Variants in PHF8 observed in about 807,000 individuals in gnomAD.
The protein encoded by PHF8 is PHD finger protein 8, also known as histone lysine demethylase PHF8.
Under a neutral mutation model 74.4 loss-of-function variants are expected in PHF8, and 9 were observed. The observed-to-expected ratio is 0.12, with a 90% CI of 0.07 to 0.21. The LOEUF (loss-of-function observed/expected upper bound fraction) is 0.21. Among genes scored for constraint, PHF8 ranks in the 10% least tolerant of loss-of-function variants. The pLI is 1.00. For synonymous variants in PHF8, 311 were observed against 316.6 expected (o/e 0.98, Z 0.19); for missense variants, 478 against 816.6 (o/e 0.59, Z 5.05).
In PHF8 at chrX:54,002,469, T is replaced by A. The variant is rs182773814; in HGVS notation, c.1034+126A>T. The A allele has an allele frequency of 4.6e-4, 259 of 562,500 alleles. 5 individuals carry two copies. In the East Asian group the frequency reaches 5.2e-3, roughly 11 times the overall value. 46.4% of individuals were successfully genotyped at this position (562,500 alleles called of 1,213,427 possible). A position where few individuals can be genotyped will look rare whatever the true frequency, so the allele number is the denominator to read the frequency against. On this transcript the variant is annotated intron_variant, in intron 9 of 21. Coordinates refer to ENST00000338154, the MANE Select transcript of PHF8 (RefSeq NM_015107.3). ...CTAAGTGCAGAAAAGGTGTTAATCTTCAGCTGAACATGATCAGGAACGAGG... is the reference window on the plus strand; with the variant it reads ...CTAAGTGCAGAAAAGGTGTTAATCTACAGCTGAACATGATCAGGAACGAGG...
At chrX:53,975,344 A>T (rs1557095714) in intron 18 of PHF8, among the ~76,000 whole-genome samples, 1 of 112,185 alleles carries the variant, frequency 8.9e-6, no homozygotes, top group Non-Finnish European at 1.9e-5. Context: ...TAGAACTACC[A>T]TATGATCCAG....
intron 12 of PHF8, among the ~76,000 whole-genome samples, chrX:53,994,275 G>GT (rs1222367076): frequency 8.9e-6 from 1 of 112,594 alleles, no homozygotes; most frequent in Non-Finnish European, 1.9e-5. Context: ...AGCTAGCTCT[G>GT]TAACTAGCTC....
chrX:53,940,824 C>T (rs1557083302), intron 20 of PHF8, among the ~76,000 whole-genome samples: 1 of 112,420 alleles, frequency 8.9e-6, no homozygotes, highest in Admixed American at 9.4e-5. Context: ...AGACCTTGGA[C>T]ACGTCTAATG....
intron 4 of PHF8, among the ~76,000 whole-genome samples, chrX:54,020,370 A>T (rs1429915359): frequency 2.9e-4 from 33 of 111,937 alleles, no homozygotes; most frequent in African/African-American, 1.1e-3. Flanking sequence ...TCTTTCTAAT[A>T]GCAAAATACT....
At position 53,992,762 on chromosome X, in the gene PHF8, T is replaced by G. The variant is rs782616792; in HGVS notation, c.1704A>C (p.Pro568=). 8.4e-7 allele frequency: 1 copy of G among 1,193,542 alleles called. No individual in the cohort carries two copies. The highest frequency in any genetic ancestry group is 1.8e-5 in the African/African-American group (1 of 56,633). Residue 568 remains proline, a synonymous_variant, in exon 14 of 22, where the codon CCA becomes CCC. Transcript: ENST00000338154. ...TGCCGTTAGACATCAATAGGGCCAA[T>G]GGGCTCTCATTTCCATCAAGGTCCA... ...PDLDLDGNES[P]LALLMSNGST...
intron 10 of PHF8, among the ~76,000 whole-genome samples, chrX:54,001,629 T>C (rs2065829563): frequency 9.0e-6 from 1 of 111,366 alleles, no homozygotes; most frequent in Admixed American, 9.5e-5. Flanking sequence ...TATAAAGGGG[T>C]AGCATTGCTG....
chrX:53,996,472 G>GC (rs2065750939), intron 11 of PHF8, among the ~76,000 whole-genome samples: 1 of 108,236 alleles, frequency 9.2e-6, no homozygotes, highest in African/African-American at 3.4e-5. Context: ...GTTACGTATG[G>GC]CCCAAGACAA....
intron 18 of PHF8, among the ~76,000 whole-genome samples, chrX:53,976,210 C>A (rs993981530): frequency 9.1e-6 from 1 of 109,636 alleles, no homozygotes; most frequent in Non-Finnish European, 1.9e-5. Context: ...GAGGCTGAGG[C>A]AGGAGAACCA....
chrX:53,996,302 A>G (rs2065747136), intron 11 of PHF8, among the ~76,000 whole-genome samples: 1 of 110,308 alleles, frequency 9.1e-6, no homozygotes, highest in African/African-American at 3.3e-5. Context: ...TTTAGTAGAT[A>G]CGGGGTTTCA....
chrX:53,985,729 C>A, intron 17 of PHF8, 87 bp downstream of exon 17: 1 of 1,195,436 alleles, frequency 8.4e-7, no homozygotes, highest in Non-Finnish European at 1.1e-6. Context: ...CTATAAATAT[C>A]TACTGATTGG....
rs137998994 is a variant in PHF8 at position 54,014,548 on chromosome X, C to T, written c.612G>A (p.Val204=). The T allele has an allele frequency of 1.0e-4, 124 of 1,202,078 alleles. No homozygotes were observed. The highest frequency in any genetic ancestry group is 8.6e-4 in the Admixed American group (39 of 45,605). The change falls in exon 7 of 22, where the codon GTG becomes GTA. Residue 204 remains valine, a synonymous_variant. Transcript: ENST00000338154. ...EFSDTRLSNL[V]ETPKIVRKLS... is the part of the protein sequence containing the mutation. Reference sequence around the variant, plus strand: ...GCTTTCGAACAATCTTCGGTGTCTCCACAAGGTTAGAAAGTCTACCAAGGA... The same window carrying T: ...GCTTTCGAACAATCTTCGGTGTCTCTACAAGGTTAGAAAGTCTACCAAGGA...
At chrX:54,021,100 C>A (rs2066162068) in intron 4 of PHF8, among the ~76,000 whole-genome samples, 1 of 112,452 alleles carries the variant, frequency 8.9e-6, no homozygotes, top group African/African-American at 3.2e-5. Context: ...TGGAATACTA[C>A]ATAGCCATAA....
chrX:53,967,364 TG>T (rs1238998832), intron 18 of PHF8, among the ~76,000 whole-genome samples: 3 of 39,371 alleles, frequency 7.6e-5, no homozygotes, highest in Admixed American at 6.0e-4. Flanking sequence ...GGGAGGGAGG[TG>T]GGGGGTCAGC....
chrX:53,977,925 C>T (rs1271240921), intron 18 of PHF8, among the ~76,000 whole-genome samples: 7 of 105,132 alleles, frequency 6.7e-5, no homozygotes, highest in Admixed American at 5.2e-4. Context: ...GGATTACAGG[C>T]GTCAGCCACT....
chrX:53,949,397 T>C (rs2064883468), intron 19 of PHF8, among the ~76,000 whole-genome samples: 1 of 112,075 alleles, frequency 8.9e-6, no homozygotes, highest in Non-Finnish European at 1.9e-5. Flanking sequence ...TAAGAGCTTA[T>C]AATAACCAAA....
chrX:53,944,046 G>T, intron 20 of PHF8, 88 bp downstream of exon 20: 1 of 555,737 alleles, frequency 1.8e-6, no homozygotes, highest in Non-Finnish European at 3.1e-6. Flanking sequence ...AGACAAAGGT[G>T]GGATCCTATC....
chrX:53,977,515 A>G (rs1603309198), intron 18 of PHF8, among the ~76,000 whole-genome samples: 1 of 111,947 alleles, frequency 8.9e-6, no homozygotes, highest in Admixed American at 9.5e-5. Flanking sequence ...ATGAGATATC[A>G]CTACATACTT....
chrX:54,019,805 AAAG>A (rs1267319513), intron 4 of PHF8, among the ~76,000 whole-genome samples: 4 of 107,993 alleles, frequency 3.7e-5, no homozygotes, highest in Non-Finnish European at 5.8e-5. Flanking sequence ...AAAAAAAAAA[AAAG>A]AAAGAAAGAA....
intron 10 of PHF8, 31 bp from the exon 11 acceptor site, chrX:53,999,992 A>C: frequency 1.0e-6 from 1 of 959,488 alleles, no homozygotes; most frequent in Non-Finnish European, 1.5e-6. Flanking sequence ...GCAGAGTGTC[A>C]ACAAAGCCAT....
Sources: allele counts gnomAD v4.1 joint callset (sites outside exome capture counted in the v4.1 genomes callset), GRCh38; gene constraint gnomAD v4.1.1; transcripts MANE v1.5; gene names NCBI Gene and HGNC (gene_info 2026-07-23, HGNC 2026-07-21).